The following SPIDR variants were observed in gnomAD, a reference collection of about 807,000 sequenced individuals.
SPIDR encodes the protein DNA repair-scaffolding protein.
Under a neutral mutation model 104.6 loss-of-function variants are expected in SPIDR, and 93 were observed. That is an observed-to-expected ratio of 0.89 (90% CI 0.75 to 1.06). The LOEUF (loss-of-function observed/expected upper bound fraction) is 1.06. Among genes scored for constraint, SPIDR ranks in the 50% least tolerant of loss-of-function variants. SPIDR has a pLI of 0.00. For synonymous variants in SPIDR, 431 were observed against 416.9 expected (o/e 1.03, Z -0.41); for missense variants, 1,154 against 1,111.2 (o/e 1.04, Z -0.55).
At chr8:47,329,228 G>A (rs1339323294) in intron 5 of SPIDR, among the ~76,000 whole-genome samples, 8 of 151,928 alleles carry the variant, frequency 5.3e-5, no homozygotes, top group African/African-American at 1.2e-4. Context: ...CCGCCACCAC[G>A]CCCGGCTGAT....
chr8:47,564,985 G>T (rs1459031498), intron 8 of SPIDR, among the ~76,000 whole-genome samples: 1 of 152,142 alleles, frequency 6.6e-6, no homozygotes, highest in Admixed American at 6.5e-5. Flanking sequence ...ACTCGCTCAT[G>T]CCTGTAATGC....
chr8:47,404,715 G>T (rs1473609442), intron 6 of SPIDR, among the ~76,000 whole-genome samples: 1 of 151,742 alleles, frequency 6.6e-6, no homozygotes, highest in African/African-American at 2.4e-5. Context: ...GTGCTGGAGA[G>T]GATGTGGAGA....
At chr8:47,589,709 T>C (rs907685356) in intron 8 of SPIDR, among the ~76,000 whole-genome samples, 7 of 152,222 alleles carry the variant, frequency 4.6e-5, no homozygotes, top group African/African-American at 1.4e-4. Flanking sequence ...CCTTGTGATA[T>C]GTACAGGGCC....
chr8:47,301,068 T>A (rs1481760008), intron 5 of SPIDR, among the ~76,000 whole-genome samples: 1 of 152,180 alleles, frequency 6.6e-6, no homozygotes, highest in Non-Finnish European at 1.5e-5. Context: ...CCCATTATTA[T>A]TGTGTGGGAG....
At chr8:47,342,382 G>A (rs550676263) in intron 5 of SPIDR, among the ~76,000 whole-genome samples, 4 of 137,220 alleles carry the variant, frequency 2.9e-5, no homozygotes, top group African/African-American at 1.1e-4. Context: ...TGTCACCCAG[G>A]CTGGAGTGCA....
chr8:47,539,663 G>A (rs767850643), intron 8 of SPIDR, among the ~76,000 whole-genome samples: 3 of 151,658 alleles, frequency 2.0e-5, no homozygotes, highest in Non-Finnish European at 2.9e-5. Flanking sequence ...ATCAAGACTC[G>A]TGTCCAAGAG....
intron 5 of SPIDR, among the ~76,000 whole-genome samples, chr8:47,327,126 TA>T (rs548934022): frequency 5.3e-5 from 8 of 150,244 alleles, no homozygotes; most frequent in African/African-American, 1.2e-4. Flanking sequence ...TCTACCCACT[TA>T]AAAAAAAAAT....
At chr8:47,419,279 A>G (rs1401617484) in intron 7 of SPIDR, 1 of 152,164 alleles carries the variant, frequency 6.6e-6, no homozygotes, top group African/African-American at 2.4e-5. Flanking sequence ...GCTATTAATT[A>G]TTGCCTCAAT....
intron 5 of SPIDR, among the ~76,000 whole-genome samples, chr8:47,343,112 T>C (rs1554615105): frequency 6.6e-6 from 1 of 152,218 alleles, no homozygotes; most frequent in Admixed American, 6.5e-5. Context: ...TTTTCTTTTT[T>C]AAATACCCAA....
At chr8:47,523,422 C>T (rs749624917) in intron 8 of SPIDR, among the ~76,000 whole-genome samples, 3 of 152,202 alleles carry the variant, frequency 2.0e-5, no homozygotes, top group Non-Finnish European at 2.9e-5. Flanking sequence ...GACGCATTTC[C>T]ACCTGTTCAG....
At chr8:47,442,187 C>G (rs946087136) in intron 8 of SPIDR, among the ~76,000 whole-genome samples, 3 of 152,080 alleles carry the variant, frequency 2.0e-5, no homozygotes, top group Non-Finnish European at 2.9e-5. Context: ...AAAGTTAAAA[C>G]AATTCAGAAA....
chr8:47,403,361 C>A (rs561591737), intron 6 of SPIDR, among the ~76,000 whole-genome samples: 1 of 152,262 alleles, frequency 6.6e-6, no homozygotes, highest in African/African-American at 2.4e-5. Context: ...CCAGGGCAAT[C>A]AGGCAAGAGA....
chr8:47,464,113 TACAC>T (rs113515816), intron 8 of SPIDR, among the ~76,000 whole-genome samples: 15,699 of 143,156 alleles, frequency 0.11, 818 homozygotes, highest in African/African-American at 0.13. Flanking sequence ...CTAAAGATTA[TACAC>T]ACACACACAC....
chr8:47,298,847 G>T (rs1342919750), intron 5 of SPIDR, among the ~76,000 whole-genome samples: 1 of 152,156 alleles, frequency 6.6e-6, no homozygotes, highest in Non-Finnish European at 1.5e-5. Context: ...TGGTGTTTTG[G>T]TTACTGTAGC....
At chr8:47,290,937 A>G in intron 3 of SPIDR, 96 bp from the exon 4 acceptor site, 2 of 839,878 alleles carry the variant, frequency 2.4e-6, no homozygotes, top group East Asian at 2.6e-5. Context: ...AGTTTTGTGT[A>G]TTTGTGACTT....
At position 47,367,799 on chromosome 8, in the gene SPIDR, T is replaced by G. The variant is rs541909815; in HGVS notation, c.526-28577T>G. ...GCAGATACTTGGTTTTCAGCCTGAATGTATTCAGTGAACGAACGTAGGAAG... is the reference window on the plus strand; with the variant it reads ...GCAGATACTTGGTTTTCAGCCTGAAGGTATTCAGTGAACGAACGTAGGAAG... On this transcript the variant is annotated intron_variant, in intron 5 of 19. Coordinates refer to ENST00000297423, the MANE Select transcript of SPIDR (RefSeq NM_001080394.4). Among the ~76,000 whole-genome samples, 163 of 152,278 alleles carry G rather than the reference T, an allele frequency of 1.1e-3. 1 individual carries two copies. Among genetic ancestry groups the G allele is most frequent in the Non-Finnish European group, 2.0e-3 (133 of 68,022 alleles).
intron 8 of SPIDR, chr8:47,547,675 C>T (rs1372549794): frequency 6.3e-6 from 1 of 158,152 alleles, no homozygotes. Flanking sequence ...TCGTGATCCG[C>T]CCGCCTCAGC....
chr8:47,357,991 A>T lies in SPIDR; in HGVS notation c.526-38385A>T. 6 of 337,846 alleles carry T rather than the reference A, an allele frequency of 1.8e-5. No homozygotes were observed. In the South Asian group the frequency reaches 7.0e-4, roughly 40 times the overall value. The allele number at this position is 337,846 out of a possible 1,614,324, so 20.9% of individuals were successfully genotyped here. A position where few individuals can be genotyped will look rare whatever the true frequency, so the allele number is the denominator to read the frequency against. On this transcript the variant is annotated intron_variant, in intron 5 of 19. Transcript: ENST00000297423. Reference sequence around the variant, plus strand: ...TCACTCTGGCAGTCTTTCCTCTCCAACCTGGTGAGAATTAGCATCCTTGTT... The same window carrying T: ...TCACTCTGGCAGTCTTTCCTCTCCATCCTGGTGAGAATTAGCATCCTTGTT...
rs1488045689 is a variant in SPIDR at position 47,392,330 on chromosome 8, A to G, written c.526-4046A>G. ...ATGGGGAAGGACCTTCTAGGCTACT[A>G]CCACTCCAAGTGGTCTTCTCCATTT... is the stretch of plus-strand genomic sequence containing the variant. On this transcript the variant is annotated intron_variant, in intron 5 of 19. Coordinates refer to ENST00000297423, the MANE Select transcript of SPIDR (RefSeq NM_001080394.4). Among the ~76,000 whole-genome samples, 3 of 152,164 alleles carry G rather than the reference A, an allele frequency of 2.0e-5. No homozygotes were observed. In the East Asian group the frequency reaches 5.8e-4, roughly 29 times the overall value.
Sources: allele counts gnomAD v4.1 joint callset (sites outside exome capture counted in the v4.1 genomes callset), GRCh38; gene constraint gnomAD v4.1.1; transcripts MANE v1.5; gene names NCBI Gene and HGNC (gene_info 2026-07-23, HGNC 2026-07-21).